The following FRMD4A variants were observed in gnomAD, a reference collection of about 807,000 sequenced individuals.
FRMD4A encodes the protein FERM domain containing 4A.
FRMD4A carries 29 observed loss-of-function variants against 129.1 expected under a neutral mutation model. That is an observed-to-expected ratio of 0.22 (90% CI 0.17 to 0.31). The LOEUF is 0.31. Among genes scored for constraint, FRMD4A ranks in the 10% least tolerant of loss-of-function variants. The pLI is 1.00. For missense variants in FRMD4A, 1,272 were observed against 1,375.8 expected (o/e 0.92, Z 1.19); for synonymous variants, 634 against 571.6 (o/e 1.11, Z -1.56).
intron 2 of FRMD4A, among the ~76,000 whole-genome samples, chr10:14,005,869 C>G (rs76174816): frequency 2.0e-5 from 3 of 152,096 alleles, no homozygotes; most frequent in Non-Finnish European, 4.4e-5. Flanking sequence ...GTTAGTGACT[C>G]GCAATGGTAA....
intron 8 of FRMD4A, among the ~76,000 whole-genome samples, chr10:13,749,497 T>C (rs1317215345): frequency 6.6e-6 from 1 of 152,162 alleles, no homozygotes; most frequent in Non-Finnish European, 1.5e-5. Context: ...AACTGGAGGA[T>C]GCATTGTTCC....
chr10:13,763,730 T>C (rs1031699347), intron 6 of FRMD4A, among the ~76,000 whole-genome samples: 6 of 152,166 alleles, frequency 3.9e-5, no homozygotes, highest in African/African-American at 1.2e-4. Context: ...AGTTCATATC[T>C]TTTAACAGCT....
At chr10:13,903,946 G>T (rs1186416526) in intron 2 of FRMD4A, among the ~76,000 whole-genome samples, 1 of 152,148 alleles carries the variant, frequency 6.6e-6, no homozygotes, top group African/African-American at 2.4e-5. Flanking sequence ...ATGTAGAATT[G>T]CAGTCTTAAG....
At chr10:13,768,103 C>T (rs866670246) in intron 6 of FRMD4A, among the ~76,000 whole-genome samples, 1,649 of 121,608 alleles carry the variant, frequency 0.014, 14 homozygotes, top group Middle Eastern at 0.028. Context: ...TGTGTGTGTG[C>T]GAACGTGCTC....
rs2080969394 is a variant in FRMD4A, at chr10:13,644,061, G to C, written c.*2977C>G. 1 of 152,596 alleles carries C rather than the reference G, an allele frequency of 6.6e-6. No individual in the cohort carries two copies. The highest frequency in any genetic ancestry group is 1.5e-5 in the Non-Finnish European group (1 of 68,032). 9.5% of individuals were successfully genotyped at this position (152,596 alleles called of 1,614,324 possible). A position where few individuals can be genotyped will look rare whatever the true frequency, so the allele number is the denominator to read the frequency against. Reference sequence around the variant, plus strand: ...CTGGTCATCTGATAGCACCTGGATGGGGTTTGCTATATTTAGAACTAAACT... The same window carrying C: ...CTGGTCATCTGATAGCACCTGGATGCGGTTTGCTATATTTAGAACTAAACT... On this transcript the variant is annotated 3_prime_UTR_variant, in exon 25 of 25. Coordinates refer to ENST00000357447, the MANE Select transcript of FRMD4A (RefSeq NM_018027.5).
intron 2 of FRMD4A, chr10:14,007,605 A>G (rs2446597): frequency 0.98 from 150,956 of 153,706 alleles, 74,140 homozygotes; most frequent in East Asian, 1. Flanking sequence ...AATTTAAACT[A>G]CCAAAGCTTT....
chr10:13,733,982 A>G (rs1174124816), intron 12 of FRMD4A, among the ~76,000 whole-genome samples: 1 of 152,140 alleles, frequency 6.6e-6, no homozygotes, highest in Non-Finnish European at 1.5e-5. Flanking sequence ...TGAATGCCCA[A>G]CTGCCTACTA....
chr10:13,673,531 G>T (rs1456965778), intron 16 of FRMD4A, among the ~76,000 whole-genome samples: 2 of 152,144 alleles, frequency 1.3e-5, no homozygotes, highest in Admixed American at 1.3e-4. Context: ...GCCCTGGAGA[G>T]CTCCCACCCC....
At chr10:13,884,622 C>T (rs890643290) in intron 2 of FRMD4A, among the ~76,000 whole-genome samples, 8 of 152,178 alleles carry the variant, frequency 5.3e-5, no homozygotes, top group Non-Finnish European at 1.0e-4. Context: ...CCCCCACCGA[C>T]CTTCTCTACC....
intron 2 of FRMD4A, among the ~76,000 whole-genome samples, chr10:14,321,232 A>C (rs1200400079): frequency 6.6e-6 from 1 of 152,070 alleles, no homozygotes; most frequent in Non-Finnish European, 1.5e-5. Flanking sequence ...AGTATAGAGA[A>C]ATACTCTATA....
At chr10:13,860,788 A>T (rs995676229) in intron 2 of FRMD4A, among the ~76,000 whole-genome samples, 4 of 151,168 alleles carry the variant, frequency 2.6e-5, no homozygotes, top group Admixed American at 1.3e-4. Flanking sequence ...TTTTAATTTA[A>T]TTTTTTTTTA....
At chr10:14,142,093 A>T (rs1839865515) in intron 2 of FRMD4A, among the ~76,000 whole-genome samples, 1 of 152,160 alleles carries the variant, frequency 6.6e-6, no homozygotes, top group Admixed American at 6.5e-5. Context: ...AGATGGAGAC[A>T]TTATAAGAAA....
intron 3 of FRMD4A, among the ~76,000 whole-genome samples, chr10:13,827,661 A>C (rs2093723018): frequency 6.6e-6 from 1 of 152,214 alleles, no homozygotes; most frequent in Non-Finnish European, 1.5e-5. Flanking sequence ...CGGTCAAGAA[A>C]GCAAAAGCAG....
At chr10:13,781,959 G>A (rs1441934226) in intron 6 of FRMD4A, among the ~76,000 whole-genome samples, 1 of 152,088 alleles carries the variant, frequency 6.6e-6, no homozygotes, top group African/African-American at 2.4e-5. Context: ...ACTTAAAAAT[G>A]GCGGAGACTA....
intron 2 of FRMD4A, among the ~76,000 whole-genome samples, chr10:13,894,843 G>A (rs540044236): frequency 9.8e-5 from 15 of 152,288 alleles, no homozygotes; most frequent in African/African-American, 3.4e-4. Flanking sequence ...TCACAGACCT[G>A]TGTGAAGGGC....
At chr10:13,992,678 G>C (rs111309257) in intron 2 of FRMD4A, among the ~76,000 whole-genome samples, 136 of 152,084 alleles carry the variant, frequency 8.9e-4, no homozygotes, top group African/African-American at 3.1e-3. Context: ...TGTAGGCCAG[G>C]CATGGTGGCT....
At chr10:13,739,147 G>A (rs7918053) in intron 11 of FRMD4A, among the ~76,000 whole-genome samples, 62,674 of 152,084 alleles carry the variant, frequency 0.41, 13,019 homozygotes, top group Admixed American at 0.46. Context: ...TATTTGTGGG[G>A]CGTGAGTTAT....
chr10:13,768,781 T>C (rs914282753), intron 6 of FRMD4A, among the ~76,000 whole-genome samples: 11 of 152,180 alleles, frequency 7.2e-5, no homozygotes, highest in Admixed American at 5.2e-4. Context: ...TCCTTATCAG[T>C]AAAATGGGGA....
intron 23 of FRMD4A, chr10:13,653,082 T>G (rs1356086442): frequency 4.6e-5 from 7 of 151,964 alleles, no homozygotes; most frequent in African/African-American, 1.5e-4. Context: ...AAGGGGATGA[T>G]GAGGATTGTA....
Sources: gnomAD v4.1 joint callset for allele counts (sites outside exome capture counted in the v4.1 genomes callset) on GRCh38, gnomAD v4.1.1 for gene constraint, MANE v1.5 for transcripts, NCBI Gene and HGNC (gene_info 2026-07-23, HGNC 2026-07-21) for gene names.